The following PHAX variants were observed in gnomAD, a reference collection of about 807,000 sequenced individuals.
PHAX encodes phosphorylated adaptor for RNA export.
In PHAX, 31 loss-of-function variants were observed where a neutral mutation model predicts 41.6. The ratio of observed to expected loss-of-function variants is 0.75; its 90% CI spans 0.56 to 1.01. The LOEUF is 1.01. Among genes scored for constraint, PHAX ranks in the 50% least tolerant of loss-of-function variants. The pLI, the probability that PHAX is intolerant of heterozygous loss-of-function variation, is 0.00. For synonymous variants in PHAX, 175 were observed against 164.9 expected, an observed-to-expected ratio of 1.06 and a Z score of -0.47; for missense variants, 453 against 472.9, an observed-to-expected ratio of 0.96 and a Z score of 0.39.
At chr5:126,608,774 T>A (rs1296389494) in intron 3 of PHAX, among the ~76,000 whole-genome samples, 1 of 151,800 alleles carries the variant, frequency 6.6e-6, no homozygotes, top group African/African-American at 2.4e-5. Context: ...CTGTCTCTAC[T>A]AAAAATACAA....
At chr5:126,621,629 T>G (rs925291240) in intron 4 of PHAX, among the ~76,000 whole-genome samples, 12 of 152,230 alleles carry the variant, frequency 7.9e-5, no homozygotes, top group African/African-American at 2.9e-4. Flanking sequence ...TTTTCCTGTT[T>G]TAAAATTCCA....
chr5:126,618,945 C>T (rs1236425095), intron 4 of PHAX, among the ~76,000 whole-genome samples: 2 of 152,124 alleles, frequency 1.3e-5, no homozygotes, highest in African/African-American at 4.8e-5. Context: ...CATGAGCCAC[C>T]ACGCCCGGCC....
intron 1 of PHAX, 29 bp from the exon 2 acceptor site, chr5:126,603,541 A>G: frequency 1.3e-6 from 2 of 1,569,442 alleles, no homozygotes; most frequent in Non-Finnish European, 1.7e-6. Flanking sequence ...GTGTTTTGTG[A>G]AATTGATTGT....
chr5:126,617,118 AAG>A, intron 3 of PHAX, 130 bp from the exon 4 acceptor site: 1 of 469,930 alleles, frequency 2.1e-6, no homozygotes, highest in East Asian at 3.4e-5. Context: ...CCTATTTTGT[AAG>A]AGTCAGAATC....
intron 3 of PHAX, among the ~76,000 whole-genome samples, chr5:126,608,807 A>T (rs28412458): frequency 0.26 from 39,519 of 151,314 alleles, 6,381 homozygotes; most frequent in African/African-American, 0.44. Context: ...GTGGTGGCAC[A>T]TACCTGTAAT....
chr5:126,625,170 T>C lies in PHAX; in HGVS notation c.*326T>C. On this transcript the variant is annotated 3_prime_UTR_variant, in exon 5 of 5. Coordinates refer to ENST00000297540, the MANE Select transcript of PHAX (RefSeq NM_032177.4). The stretch of plus-strand genomic sequence containing the variant: ...GTTTGTTTGCTTTTTCAGGTTTATC[T>C]TTGCAGTGAATTATGCTTTGCTTTA... 1 of 219,142 alleles carries C rather than the reference T, an allele frequency of 4.6e-6. No individual in the cohort carries two copies. The highest frequency in any genetic ancestry group is 1.1e-4 in the East Asian group (1 of 9,448). 13.6% of individuals were successfully genotyped at this position (219,142 alleles called of 1,614,324 possible). A position where few individuals can be genotyped will look rare whatever the true frequency, so the allele number is the denominator to read the frequency against.
rs1752329504 is a variant in PHAX at position 126,625,219 on chromosome 5, G to A, written c.*375G>A. ...TAAAACATTCCGCTAAAATCATAAT[G>A]GGACATATAAATTATTAAGCTGTTA... On this transcript the variant is annotated 3_prime_UTR_variant, in exon 5 of 5. Coordinates refer to ENST00000297540, the MANE Select transcript of PHAX (RefSeq NM_032177.4). 1 of 167,150 alleles carries A rather than the reference G, an allele frequency of 6.0e-6. No homozygotes were observed. Among genetic ancestry groups the A allele is most frequent in the African/African-American group, 2.4e-5 (1 of 41,858 alleles). 10.4% of individuals were successfully genotyped at this position (167,150 alleles called of 1,614,324 possible).
intron 4 of PHAX, among the ~76,000 whole-genome samples, chr5:126,624,365 G>C (rs1207182822): frequency 6.6e-6 from 1 of 152,102 alleles, no homozygotes; most frequent in Non-Finnish European, 1.5e-5. Flanking sequence ...ATAAGCATGG[G>C]CCCTAAACCT....
intron 4 of PHAX, among the ~76,000 whole-genome samples, chr5:126,623,356 T>G (rs548382237): frequency 6.6e-6 from 1 of 152,308 alleles, no homozygotes; most frequent in East Asian, 1.9e-4. Context: ...CTTCACATGG[T>G]AGCCCTGTAA....
At chr5:126,607,672 G>A (rs1752012242) in intron 2 of PHAX, among the ~76,000 whole-genome samples, 1 of 152,040 alleles carries the variant, frequency 6.6e-6, no homozygotes, top group African/African-American at 2.4e-5. Flanking sequence ...CAAAATGCTG[G>A]GATTATAGGT....
chr5:126,614,157 GT>G (rs1424217940), intron 3 of PHAX, among the ~76,000 whole-genome samples: 1 of 152,122 alleles, frequency 6.6e-6, no homozygotes, highest in Non-Finnish European at 1.5e-5. Context: ...GGAGTACAGT[GT>G]TGCCATCTCA....
chr5:126,617,322 G>T lies in PHAX; in HGVS notation c.904G>T (p.Glu302Ter). ...GAAAAACACTCCTAGTATCAGCGAG[G>T]AACAAATTAAGGTAATGATAATGTC... ...LLKNTPSISE[E>*]QIKDIFYIEN... Residue 302 changes from glutamate to a stop codon, truncating the protein, a stop_gained, in exon 4 of 5, where the codon GAA (glutamate) becomes TAA (stop). Coordinates refer to ENST00000297540, the MANE Select transcript of PHAX (RefSeq NM_032177.4). LOFTEE classifies it high-confidence loss of function. The T allele has an allele frequency of 6.2e-7, 1 of 1,603,374 alleles. No individual in the cohort carries two copies. The highest frequency in any genetic ancestry group is 2.2e-5 in the East Asian group (1 of 44,740).
intron 1 of PHAX, among the ~76,000 whole-genome samples, chr5:126,602,438 G>A (rs1026152132): frequency 2.6e-5 from 4 of 152,196 alleles, no homozygotes; most frequent in Admixed American, 2.6e-4. Flanking sequence ...ACCACTGATA[G>A]GGTTATTGCA....
chr5:126,616,734 G>T (rs1418797909), intron 3 of PHAX, among the ~76,000 whole-genome samples: 1 of 151,924 alleles, frequency 6.6e-6, no homozygotes, highest in Non-Finnish European at 1.5e-5. Context: ...ACAAAAATTC[G>T]CCAGGCGTGG....
Position 126,627,120 on chromosome 5 carries a change from A to G in PHAX, c.*2276A>G, listed in dbSNP as rs2112841680. ...AGCAATTATAAACTGTTCCTTACAG[A>G]CAGTGTACTTGAAGTCTTTTGGTAG... On this transcript the variant is annotated 3_prime_UTR_variant, in exon 5 of 5. Transcript: ENST00000297540. 6.6e-6 allele frequency: 1 copy of G among 152,368 alleles called. No homozygotes were observed. Among genetic ancestry groups the G allele is most frequent in the African/African-American group, 2.4e-5 (1 of 41,594 alleles). 9.4% of individuals were successfully genotyped at this position (152,368 alleles called of 1,614,324 possible).
intron 4 of PHAX, among the ~76,000 whole-genome samples, chr5:126,617,843 G>T (rs539114605): frequency 6.6e-5 from 10 of 152,016 alleles, no homozygotes; most frequent in Non-Finnish European, 5.9e-5. Context: ...TGTACGTCTC[G>T]GCTCAAGCAA....
intron 4 of PHAX, among the ~76,000 whole-genome samples, chr5:126,622,867 T>C (rs1174772534): frequency 6.6e-6 from 1 of 152,134 alleles, no homozygotes; most frequent in Non-Finnish European, 1.5e-5. Context: ...GGCTTACCCC[T>C]GTAATCCCAG....
Position 126,624,735 on chromosome 5 carries a change from A to G in PHAX, c.1076A>G (p.Asn359Ser), listed in dbSNP as rs1415508088. Residue 359 changes from asparagine (N) to serine (S), a missense_variant, in exon 5 of 5, where the codon AAT becomes AGT. By Grantham distance (46) the Asn-to-Ser change is conservative. Transcript: ENST00000297540. ...CGAGAAACTTTTGCAAGTGACACGAATGAGGCCTTGGCCTCTCTTGATGAG... is the reference window on the plus strand; with the variant it reads ...CGAGAAACTTTTGCAAGTGACACGAGTGAGGCCTTGGCCTCTCTTGATGAG... ...TSRETFASDT[N>S]EALASLDESQ... is the part of the protein sequence containing the mutation. 5 of 1,614,200 alleles carry G rather than the reference A, an allele frequency of 3.1e-6. No homozygotes were observed. Among genetic ancestry groups the G allele is most frequent in the African/African-American group, 1.3e-5 (1 of 75,072 alleles).
chr5:126,614,050 A>G (rs1289709931), intron 3 of PHAX, among the ~76,000 whole-genome samples: 1 of 151,786 alleles, frequency 6.6e-6, no homozygotes, highest in Non-Finnish European at 1.5e-5. Context: ...GGTGTGAGCC[A>G]TTGTACCCCG....
Sources: gnomAD v4.1 joint callset for allele counts (sites outside exome capture counted in the v4.1 genomes callset) on GRCh38, gnomAD v4.1.1 for gene constraint, MANE v1.5 for transcripts, NCBI Gene and HGNC (gene_info 2026-07-23, HGNC 2026-07-21) for gene names.